Variants in MATN4 observed in about 807,000 individuals in gnomAD.
MATN4 encodes the protein matrilin 4.
Under a neutral mutation model 54.6 loss-of-function variants are expected in MATN4, and 40 were observed. The observed-to-expected ratio is 0.73, with a 90% CI of 0.57 to 0.95. The LOEUF is 0.95. Ranked by LOEUF, MATN4 falls within the 40% of genes least tolerant of loss-of-function variation. MATN4 has a pLI of 0.00. For missense variants in MATN4, 810 were observed against 819.1 expected (o/e 0.99, Z 0.13); for synonymous variants, 351 against 345.3 (o/e 1.02, Z -0.18).
At chr20:45,295,203 C>T (rs1985734930) in intron 8 of MATN4, among the ~76,000 whole-genome samples, 1 of 152,178 alleles carries the variant, frequency 6.6e-6, no homozygotes, top group African/African-American at 2.4e-5. Flanking sequence ...TCCGTAAAAC[C>T]ACTGCCTGGT....
rs377717129 is a variant in MATN4, at chr20:45,306,872, G to A, written c.-34-1256C>T. On this transcript the variant is annotated intron_variant, in intron 1 of 9. Coordinates refer to ENST00000372756, the MANE Select transcript of MATN4 (RefSeq NM_001393530.1). ...GCAGGGTTCCAGCGACAGCAGCACT[G>A]GACTCGTCCAGAGGGCGGCGGGTGA... 64 of 1,245,850 alleles carry A rather than the reference G, an allele frequency of 5.1e-5. No individual in the cohort carries two copies. The African/African-American group carries it at 9.3e-4, about 18-fold the overall frequency. The allele number at this position is 1,245,850 out of a possible 1,614,324, so 77.2% of individuals were successfully genotyped here. A position where few individuals can be genotyped will look rare whatever the true frequency, so the allele number is the denominator to read the frequency against.
intron 8 of MATN4, among the ~76,000 whole-genome samples, chr20:45,295,291 A>G (rs1398330456): frequency 6.6e-6 from 1 of 152,264 alleles, no homozygotes; most frequent in Non-Finnish European, 1.5e-5. Context: ...TCCTTGGACC[A>G]GCAGCATCGG....
chr20:45,295,528 C>T (rs11086957), intron 8 of MATN4, among the ~76,000 whole-genome samples: 38,713 of 152,038 alleles, frequency 0.25, 5,143 homozygotes, highest in Admixed American at 0.33. Flanking sequence ...GCTGGGATTA[C>T]AGGCATGTGC....
rs1398380208 is a variant in MATN4, at chr20:45,293,929, G to C, written c.1666C>G (p.Leu556Val). 6.2e-7 allele frequency: 1 copy of C among 1,601,324 alleles called. No individual in the cohort carries two copies. The change falls in exon 9 of 10, where the codon CTC (leucine) becomes GTC (valine). Residue 556 changes from leucine (L) to valine (V), a missense_variant. Coordinates refer to ENST00000372756, the MANE Select transcript of MATN4 (RefSeq NM_001393530.1). ...ATATGGTTCAGCGTCAGGCTCTCGA[G>C]CGCCCCCAGCGTGCGGCCCTGGAAC... ...VEFQGRTLGA[L>V]ESLTLNLAQL...
intron 3 of MATN4, chr20:45,303,576 C>A: frequency 1.5e-6 from 1 of 666,318 alleles, no homozygotes. Flanking sequence ...CAAGAGAGAG[C>A]TGGATGGGGA....
chr20:45,295,613 C>A (rs1004248766), intron 8 of MATN4, among the ~76,000 whole-genome samples: 1 of 151,874 alleles, frequency 6.6e-6, no homozygotes, highest in Non-Finnish European at 1.5e-5. Flanking sequence ...GGTCTCGATC[C>A]CCTGACCTTG....
chr20:45,299,441 TG>T (rs1407076627), intron 6 of MATN4, among the ~76,000 whole-genome samples: 1 of 152,208 alleles, frequency 6.6e-6, no homozygotes, highest in Non-Finnish European at 1.5e-5. Flanking sequence ...ATCTGATCTT[TG>T]TTATGAACTG....
chr20:45,304,997 T>G lies in MATN4; in HGVS notation c.74-200A>C, dbSNP rs569818090. The stretch of plus-strand genomic sequence containing the variant: ...TTCACAAATTCCCTCATCTTACAGA[T>G]CTGAGGGCTATTCTGAGGCGGTATT... On this transcript the variant is annotated intron_variant, in intron 2 of 9. Coordinates refer to ENST00000372756, the MANE Select transcript of MATN4 (RefSeq NM_001393530.1). Among the ~76,000 whole-genome samples, 6 of 152,240 alleles carry G rather than the reference T, an allele frequency of 3.9e-5. No homozygotes were observed. In the East Asian group the frequency reaches 9.7e-4, roughly 25 times the overall value.
chr20:45,293,991 T>A lies in MATN4; in HGVS notation c.1604A>T (p.Glu535Val). Residue 535 changes from glutamate (E) to valine (V), a missense_variant, in exon 9 of 10, where the codon GAG (glutamate) becomes GTG (valine). Physicochemically the swap from Glu to Val is moderately radical, Grantham distance 121. Transcript: ENST00000372756. Reference protein sequence around the residue: ...CPEEGISAGTELRSPCECESL... With the variant: ...CPEEGISAGTVLRSPCECESL... ...TTCGCATTCGCATGGGCTCCGAAGCTCTGTCCCTGCGCTGATGCCCTCCTC... is the reference window on the plus strand; with the variant it reads ...TTCGCATTCGCATGGGCTCCGAAGCACTGTCCCTGCGCTGATGCCCTCCTC... 1 of 1,602,678 alleles carries A rather than the reference T, an allele frequency of 6.2e-7. No individual in the cohort carries two copies. The highest frequency in any genetic ancestry group is 8.5e-7 in the Non-Finnish European group (1 of 1,179,700).
upstream of MATN4, chr20:45,308,537 C>T (rs1240092368): frequency 6.6e-6 from 3 of 457,034 alleles, no homozygotes; most frequent in Admixed American, 3.4e-5. Flanking sequence ...ACTCCACAGC[C>T]GGAATTCATT....
intron 5 of MATN4, 36 bp from the exon 6 acceptor site, chr20:45,301,045 GA>G: frequency 6.2e-7 from 1 of 1,614,020 alleles, no homozygotes. Flanking sequence ...AGTCAGGATG[GA>G]CCCCACCAGC....
chr20:45,306,321 C>T (rs1014256436), intron 1 of MATN4, among the ~76,000 whole-genome samples: 1 of 152,128 alleles, frequency 6.6e-6, no homozygotes, highest in Non-Finnish European at 1.5e-5. Context: ...CGCTGGTACC[C>T]AAAGTCATTC....
At chr20:45,308,037 C>A in intron 1 of MATN4, 138 bp downstream of exon 1, 1 of 715,600 alleles carries the variant, frequency 1.4e-6, no homozygotes, top group Non-Finnish European at 2.5e-6. Context: ...TTGGAAAGGA[C>A]CCTGCAGAAG....
At chr20:45,305,185 C>A (rs111508164) in intron 2 of MATN4, among the ~76,000 whole-genome samples, 4 of 152,208 alleles carry the variant, frequency 2.6e-5, no homozygotes, top group African/African-American at 4.8e-5. Context: ...CATGCCCCTG[C>A]GAATTGGATG....
intron 8 of MATN4, among the ~76,000 whole-genome samples, 155 bp from the exon 9 acceptor site, chr20:45,294,170 A>C (rs1445848385): frequency 2.0e-5 from 3 of 152,110 alleles, no homozygotes; most frequent in African/African-American, 7.2e-5. Flanking sequence ...GATACTGAAA[A>C]ACTCACTAAC....
chr20:45,301,001 G>T lies in MATN4; in HGVS notation c.898C>A (p.Leu300Ile), dbSNP rs555495418. 19 of 1,613,926 alleles carry T rather than the reference G, an allele frequency of 1.2e-5. No individual in the cohort carries two copies. The highest frequency in any genetic ancestry group is 1.5e-5 in the Non-Finnish European group (18 of 1,179,964). The change falls in exon 6 of 10, where the codon CTT (leucine) becomes ATT (isoleucine). Residue 300 changes from leucine (L) to isoleucine (I), a missense_variant. Leu to Ile is a conservative substitution (Grantham distance 5, BLOSUM62 2). Transcript: ENST00000372756. ...CAGCCATGGTCCACGCCATTGCAAA[G>T]GTCCCGGACTGAAAGGAGAGACAGG... ...PDGRSCQVRD[L>I]CNGVDHGCEF...
At position 45,297,900 on chromosome 20, in the gene MATN4, C is replaced by G; in HGVS notation, c.1579+18G>C. On this transcript the variant is annotated intron_variant, in intron 8 of 9. Transcript: ENST00000372756. ...GGGCAATGAGAGAGAGGAGGAGCCC[C>G]GAGAGAGATGCGCTCACCTGGACAG... 6.2e-7 allele frequency: 1 copy of G among 1,613,680 alleles called. No individual in the cohort carries two copies. The highest frequency in any genetic ancestry group is 2.2e-5 in the East Asian group (1 of 44,876).
At chr20:45,296,827 A>G (rs77541618) in intron 8 of MATN4, among the ~76,000 whole-genome samples, 15,532 of 151,646 alleles carry the variant, frequency 0.1, 1,123 homozygotes, top group Non-Finnish European at 0.16. Flanking sequence ...ATACACAAAC[A>G]CATATTATAT....
intron 1 of MATN4, among the ~76,000 whole-genome samples, chr20:45,307,223 T>G (rs1986790954): frequency 6.6e-6 from 1 of 152,108 alleles, no homozygotes. Context: ...TGTTGCTGTT[T>G]CTTGGCAGAG....
Sources: gnomAD v4.1 joint callset for allele counts (sites outside exome capture counted in the v4.1 genomes callset) on GRCh38, gnomAD v4.1.1 for gene constraint, MANE v1.5 for transcripts, NCBI Gene and HGNC (gene_info 2026-07-23, HGNC 2026-07-21) for gene names.